Variants in PEMT observed in about 807,000 individuals in gnomAD.
The protein encoded by PEMT is phospholipid methyltransferase.
In PEMT, 23 loss-of-function variants were observed where a neutral mutation model predicts 27.4. That is an observed-to-expected ratio of 0.84 (90% CI 0.60 to 1.19). The LOEUF is 1.19. Among genes scored for constraint, PEMT ranks in the 50% most tolerant of loss-of-function variants. PEMT has a pLI of 0.00. For missense variants in PEMT, 307 were observed against 310.1 expected (o/e 0.99, Z 0.07); for synonymous variants, 137 against 139.1 (o/e 0.98, Z 0.11).
intron 2 of PEMT, among the ~76,000 whole-genome samples, chr17:17,544,606 A>G (rs1909124335): frequency 6.6e-6 from 1 of 152,040 alleles, no homozygotes; most frequent in South Asian, 2.1e-4. Flanking sequence ...CACTGCCCCG[A>G]TTCACTGCAC....
intron 1 of PEMT, among the ~76,000 whole-genome samples, chr17:17,580,456 G>A (rs1359956286): frequency 6.6e-6 from 1 of 151,842 alleles, no homozygotes. Context: ...CAGCCTGGGT[G>A]ACAGAACGAG....
At chr17:17,575,012 T>C (rs1331091823) in intron 2 of PEMT, among the ~76,000 whole-genome samples, 1 of 152,240 alleles carries the variant, frequency 6.6e-6, no homozygotes, top group Non-Finnish European at 1.5e-5. Flanking sequence ...CTGGCCTCGC[T>C]TCCTGTGGCT....
intron 2 of PEMT, among the ~76,000 whole-genome samples, chr17:17,568,604 A>G (rs1329446506): frequency 6.6e-6 from 1 of 152,174 alleles, no homozygotes; most frequent in Non-Finnish European, 1.5e-5. Flanking sequence ...ACAAGGGTAC[A>G]GGGCCTGGGC....
chr17:17,533,845 C>T (rs1005843899), intron 2 of PEMT, among the ~76,000 whole-genome samples: 1 of 152,066 alleles, frequency 6.6e-6, no homozygotes, highest in African/African-American at 2.4e-5. Flanking sequence ...ATTCTCCTGC[C>T]TCAGCCTCCC....
intron 2 of PEMT, among the ~76,000 whole-genome samples, chr17:17,532,359 G>A (rs1389445894): frequency 1.3e-5 from 2 of 152,138 alleles, no homozygotes; most frequent in Non-Finnish European, 2.9e-5. Flanking sequence ...CACAAGATAC[G>A]ATTGTATTTC....
In PEMT at chr17:17,582,292, C is replaced by T. The variant is rs1274342748; in HGVS notation, c.97-5265G>A. ...CACGGCCAGGAGGTCTGCTGAGCTG[C>T]AGGAATAGCTCGAGTCCCACAGGTC... On this transcript the variant is annotated intron_variant, in intron 1 of 6. Transcript: ENST00000255389. The surrounding 1 kb of genome is among the most constrained non-coding windows in gnomAD (Gnocchi z 4.9). The T allele has an allele frequency of 1.1e-5, 11 of 985,412 alleles. No homozygotes were observed. The highest frequency in any genetic ancestry group is 8.7e-5 in the African/African-American group (5 of 57,238). 61.0% of individuals were successfully genotyped at this position (985,412 alleles called of 1,614,324 possible).
At chr17:17,530,905 T>C (rs1908041697) in intron 2 of PEMT, among the ~76,000 whole-genome samples, 1 of 152,134 alleles carries the variant, frequency 6.6e-6, no homozygotes, top group Admixed American at 6.5e-5. Context: ...TGGCCGGGCG[T>C]AACGGCAGGT....
intron 1 of PEMT, 90 bp downstream of exon 1, chr17:17,591,441 C>T: frequency 8.9e-7 from 1 of 1,127,638 alleles, no homozygotes; most frequent in Non-Finnish European, 1.3e-6. Context: ...GGCCCCGCCC[C>T]GCAGCGTTTG....
chr17:17,588,993 T>C (rs1912463383), intron 1 of PEMT, among the ~76,000 whole-genome samples: 1 of 152,254 alleles, frequency 6.6e-6, no homozygotes, highest in African/African-American at 2.4e-5. Context: ...AGAGTTTCGC[T>C]CTTCTAGCCC....
chr17:17,588,114 C>T (rs111454385), intron 1 of PEMT, among the ~76,000 whole-genome samples: 1,614 of 152,294 alleles, frequency 0.011, 39 homozygotes, highest in African/African-American at 0.035. Flanking sequence ...GGGAAACAAG[C>T]TCCAAGAGTT....
intron 2 of PEMT, among the ~76,000 whole-genome samples, chr17:17,525,865 G>T (rs544363421): frequency 4.6e-5 from 7 of 152,160 alleles, no homozygotes; most frequent in Non-Finnish European, 8.8e-5. Context: ...ACAGTGGTGT[G>T]CACCTGTAGT....
chr17:17,557,874 T>G (rs1332122786), intron 2 of PEMT, among the ~76,000 whole-genome samples: 8 of 151,892 alleles, frequency 5.3e-5, no homozygotes, highest in Non-Finnish European at 1.2e-4. Context: ...CTCCCCAGGG[T>G]TTACTAGGAG....
chr17:17,519,679 G>C (rs1197012942), intron 3 of PEMT, among the ~76,000 whole-genome samples: 1 of 152,196 alleles, frequency 6.6e-6, no homozygotes, highest in South Asian at 2.1e-4. Flanking sequence ...GGTGGATGAC[G>C]GGGGCAGACC....
intron 6 of PEMT, 112 bp from the exon 7 acceptor site, chr17:17,505,960 C>A: frequency 7.0e-7 from 1 of 1,419,570 alleles, no homozygotes; most frequent in South Asian, 1.5e-5. Flanking sequence ...ACCGGGATCC[C>A]CTTCATCCCC....
intron 2 of PEMT, among the ~76,000 whole-genome samples, chr17:17,552,297 G>A (rs562217707): frequency 3.3e-4 from 50 of 152,278 alleles, no homozygotes. Flanking sequence ...GGGCGACAGA[G>A]GGAGACTCTG....
At chr17:17,579,874 C>T (rs1215899031) in intron 1 of PEMT, among the ~76,000 whole-genome samples, 1 of 152,206 alleles carries the variant, frequency 6.6e-6, no homozygotes, top group East Asian at 1.9e-4. Context: ...AGAAGGAACC[C>T]AGGGAAGCAC....
chr17:17,582,422 C>T lies in PEMT; in HGVS notation c.97-5395G>A. 1 of 985,482 alleles carries T rather than the reference C, an allele frequency of 1.0e-6. No homozygotes were observed. Among genetic ancestry groups the T allele is most frequent in the Non-Finnish European group, 1.2e-6 (1 of 829,964 alleles). 61.0% of individuals were successfully genotyped at this position (985,482 alleles called of 1,614,324 possible). A position where few individuals can be genotyped will look rare whatever the true frequency, so the allele number is the denominator to read the frequency against. ...GTGCAGGGTTCTCGGGAGCAGCGCTCTGTGGTCAGGGAATGATCTGCAGTG... is the reference window on the plus strand; with the variant it reads ...GTGCAGGGTTCTCGGGAGCAGCGCTTTGTGGTCAGGGAATGATCTGCAGTG... On this transcript the variant is annotated intron_variant, in intron 1 of 6. Transcript: ENST00000255389. The surrounding 1 kb of genome is among the most constrained non-coding windows in gnomAD (Gnocchi z 4.9).
At position 17,536,481 on chromosome 17, in the gene PEMT, G is replaced by A. The variant is rs144242598; in HGVS notation, c.205-14086C>T. On this transcript the variant is annotated intron_variant, in intron 2 of 6. Transcript: ENST00000255389. ...CAAAGGCCTCCTCTGTCTGCCTCCG[G>A]GTCCGAAGCACAACCAGGCAGTCCC... 1.8e-3 allele frequency among the ~76,000 whole-genome samples: 274 copies of A among 152,242 alleles called. 2 individuals carry two copies. The highest frequency in any genetic ancestry group is 6.4e-3 in the African/African-American group (265 of 41,534).
chr17:17,546,659 C>T (rs935883785), intron 2 of PEMT, among the ~76,000 whole-genome samples: 19 of 152,192 alleles, frequency 1.2e-4, no homozygotes, highest in African/African-American at 4.6e-4. Flanking sequence ...TGCCTTCGTC[C>T]GACCCTGGGG....
Sources: gnomAD v4.1 joint callset for allele counts (sites outside exome capture counted in the v4.1 genomes callset) on GRCh38, gnomAD v4.1.1 for gene constraint, Gnocchi (gnomAD v3.1) non-coding constraint, MANE v1.5 for transcripts, NCBI Gene and HGNC (gene_info 2026-07-23, HGNC 2026-07-21) for gene names.